DNAH12: variants seen among roughly 807,000 people sequenced by gnomAD.
The protein encoded by DNAH12 is axonemal beta dynein heavy chain 12.
Under a neutral mutation model 371.5 loss-of-function variants are expected in DNAH12, and 285 were observed. That is an observed-to-expected ratio of 0.77 (90% CI 0.70 to 0.85). DNAH12 has a LOEUF of 0.85. Ranked by LOEUF, DNAH12 falls within the 40% of genes least tolerant of loss-of-function variation. The probability of loss-of-function intolerance (pLI) is 0.00; values close to 1 mark genes in which losing one functional copy is unlikely to be tolerated. For synonymous variants in DNAH12, 1,200 were observed against 1,213.0 expected, an observed-to-expected ratio of 0.99 and a Z score of 0.22; for missense variants, 3,611 against 3,689.4, an observed-to-expected ratio of 0.98 and a Z score of 0.55.
chr3:57,537,317 G>C (rs550036101), intron 2 of DNAH12, among the ~76,000 whole-genome samples: 1 of 152,166 alleles, frequency 6.6e-6, no homozygotes, highest in Non-Finnish European at 1.5e-5. Context: ...ACCACATGCA[G>C]TAAAGGAGAG....
At chr3:57,431,273 G>A (rs554820582) in intron 32 of DNAH12, among the ~76,000 whole-genome samples, 1 of 152,150 alleles carries the variant, frequency 6.6e-6, no homozygotes, top group East Asian at 1.9e-4. Flanking sequence ...AATAGCTAAA[G>A]TCCTTGGGAC....
intron 25 of DNAH12, among the ~76,000 whole-genome samples, chr3:57,448,428 T>TA (rs1215511346): frequency 2.0e-4 from 30 of 152,216 alleles, no homozygotes; most frequent in Non-Finnish European, 3.8e-4. Flanking sequence ...GTTAAAGCTC[T>TA]TAATGCAGCA....
intron 55 of DNAH12, among the ~76,000 whole-genome samples, chr3:57,375,041 G>C (rs1204168478): frequency 6.6e-6 from 1 of 152,066 alleles, no homozygotes; most frequent in African/African-American, 2.4e-5. Context: ...GTATGGTTTT[G>C]TGTATTTCAT....
intron 53 of DNAH12, 33 bp from the exon 54 acceptor site, chr3:57,375,998 C>T (rs1020274785): frequency 3.9e-5 from 6 of 152,168 alleles, no homozygotes; most frequent in Non-Finnish European, 8.8e-5. Flanking sequence ...AACAGATTTA[C>T]AACAGAGAAT....
chr3:57,478,293 C>G (rs1317231619), intron 13 of DNAH12, among the ~76,000 whole-genome samples: 1 of 152,048 alleles, frequency 6.6e-6, no homozygotes, highest in Non-Finnish European at 1.5e-5. Context: ...GCCTCAGTAG[C>G]CGATTCGATC....
chr3:57,487,870 T>G (rs1285248840), intron 12 of DNAH12, among the ~76,000 whole-genome samples: 1 of 16,488 alleles, frequency 6.1e-5, no homozygotes, highest in South Asian at 3.0e-3. Context: ...TTATAAAGTG[T>G]TTTTTTTTTG....
At chr3:57,492,696 C>T (rs1559717120) in intron 11 of DNAH12, among the ~76,000 whole-genome samples, 1 of 151,848 alleles carries the variant, frequency 6.6e-6, no homozygotes, top group African/African-American at 2.4e-5. Flanking sequence ...AATAATAGAC[C>T]TAAGGAAATA....
intron 43 of DNAH12, among the ~76,000 whole-genome samples, chr3:57,397,847 G>A (rs1168885665): frequency 6.6e-6 from 1 of 152,080 alleles, no homozygotes; most frequent in Non-Finnish European, 1.5e-5. Context: ...GATTGGGAGG[G>A]GTGGCTGTAT....
At chr3:57,503,366 C>G (rs994571294) in intron 9 of DNAH12, among the ~76,000 whole-genome samples, 3 of 151,408 alleles carry the variant, frequency 2.0e-5, no homozygotes, top group Non-Finnish European at 4.4e-5. Flanking sequence ...AAATATTTGT[C>G]AAATATTTAT....
At chr3:57,498,714 G>A (rs906882109) in intron 11 of DNAH12, among the ~76,000 whole-genome samples, 3 of 151,940 alleles carry the variant, frequency 2.0e-5, no homozygotes, top group African/African-American at 7.2e-5. Context: ...AAAGGAATAA[G>A]TTAGGCTAGG....
intron 60 of DNAH12, among the ~76,000 whole-genome samples, chr3:57,340,537 A>G (rs2062368581): frequency 6.6e-6 from 1 of 152,170 alleles, no homozygotes; most frequent in African/African-American, 2.4e-5. Context: ...AAACTAATCA[A>G]TTTGAGAACC....
intron 60 of DNAH12, among the ~76,000 whole-genome samples, chr3:57,350,362 C>T (rs572826009): frequency 1.3e-5 from 2 of 152,190 alleles, no homozygotes; most frequent in Non-Finnish European, 2.9e-5. Context: ...ATTAATGGAA[C>T]TGAATAGACA....
Position 57,536,221 on chromosome 3 carries a change from T to C in DNAH12, c.170+6480A>G, listed in dbSNP as rs150623573. On this transcript the variant is annotated intron_variant, in intron 2 of 73. Transcript: ENST00000495027. Reference sequence around the variant, plus strand: ...GACTAGGATACTTCTGTAGCTATTCTAGTTTATCAGTGTCCCTCTTTTTAT... The same window carrying C: ...GACTAGGATACTTCTGTAGCTATTCCAGTTTATCAGTGTCCCTCTTTTTAT... The C allele has an allele frequency of 1.7e-4, 25 of 148,266 alleles. No homozygotes were observed. The East Asian group carries it at 4.4e-3, about 26-fold the overall frequency. 9.2% of individuals were successfully genotyped at this position (148,266 alleles called of 1,614,324 possible).
At chr3:57,426,676 A>T (rs890780398) in intron 34 of DNAH12, among the ~76,000 whole-genome samples, 9 of 152,048 alleles carry the variant, frequency 5.9e-5, no homozygotes, top group African/African-American at 1.2e-4. Context: ...CAAAAAAAAA[A>T]ATATACAAAA....
intron 11 of DNAH12, among the ~76,000 whole-genome samples, chr3:57,500,160 C>CT (rs1382625141): frequency 7.1e-6 from 1 of 140,994 alleles, no homozygotes; most frequent in Non-Finnish European, 1.5e-5. Flanking sequence ...ACTCCTCAGC[C>CT]CCCCCTAGTA....
intron 29 of DNAH12, among the ~76,000 whole-genome samples, chr3:57,437,931 TAGG>T (rs202060841): frequency 0.011 from 1,653 of 152,318 alleles, 22 homozygotes; most frequent in Middle Eastern, 0.02. Flanking sequence ...AACTCTGACT[TAGG>T]TCAACACTCA....
intron 42 of DNAH12, 56 bp from the exon 43 acceptor site, chr3:57,403,557 T>C (rs2063934670): frequency 2.1e-6 from 3 of 1,435,604 alleles, no homozygotes; most frequent in Non-Finnish European, 2.8e-6. Context: ...AAATGTATAG[T>C]TACATGTAAC....
intron 58 of DNAH12, among the ~76,000 whole-genome samples, chr3:57,363,348 G>A (rs1427005182): frequency 5.9e-5 from 9 of 151,884 alleles, no homozygotes; most frequent in Middle Eastern, 6.8e-3. Context: ...ATTTTAAAAC[G>A]TTCATTCTAA....
At chr3:57,313,990 G>A (rs2061634757) in intron 66 of DNAH12, among the ~76,000 whole-genome samples, 1 of 152,114 alleles carries the variant, frequency 6.6e-6, no homozygotes, top group Non-Finnish European at 1.5e-5. Flanking sequence ...TCTTCTCTGA[G>A]CTTGACTCTC....
Sources: gnomAD v4.1 joint callset for allele counts (sites outside exome capture counted in the v4.1 genomes callset) on GRCh38, gnomAD v4.1.1 for gene constraint, MANE v1.5 for transcripts, NCBI Gene and HGNC (gene_info 2026-07-23, HGNC 2026-07-21) for gene names.